Variants in MAPKAP1 observed in about 807,000 individuals in gnomAD.
MAPKAP1 encodes the protein target of rapamycin complex 2 subunit MAPKAP1.
MAPKAP1 carries 20 observed loss-of-function variants against 65.7 expected under a neutral mutation model. The ratio of observed to expected loss-of-function variants is 0.30; its 90% CI spans 0.21 to 0.44. The LOEUF is 0.44. MAPKAP1 is among the 20% of genes least tolerant of loss of function. MAPKAP1 has a pLI of 1.00. For missense variants in MAPKAP1, 423 were observed against 648.0 expected, an observed-to-expected ratio of 0.65 and a Z score of 3.77; for synonymous variants, 222 against 244.3, an observed-to-expected ratio of 0.91 and a Z score of 0.85.
chr9:125,441,997 C>T (rs1278431066), intron 11 of MAPKAP1, among the ~76,000 whole-genome samples: 2 of 151,766 alleles, frequency 1.3e-5, no homozygotes, highest in Non-Finnish European at 2.9e-5. Context: ...GGCTTGGTGG[C>T]GGGTGCCTGT....
intron 4 of MAPKAP1, among the ~76,000 whole-genome samples, chr9:125,626,496 C>T (rs368577711): frequency 6.6e-6 from 1 of 152,242 alleles, no homozygotes; most frequent in Non-Finnish European, 1.5e-5. Flanking sequence ...CCACTAGCCA[C>T]ATTTGGCTAT....
chr9:125,635,419 T>C (rs1248705532), intron 4 of MAPKAP1, among the ~76,000 whole-genome samples: 1 of 152,196 alleles, frequency 6.6e-6, no homozygotes, highest in Non-Finnish European at 1.5e-5. Context: ...TGCTGCTCAA[T>C]TAAAAAGTCA....
chr9:125,635,026 A>C (rs1833384457), intron 4 of MAPKAP1, among the ~76,000 whole-genome samples: 1 of 152,208 alleles, frequency 6.6e-6, no homozygotes, highest in Admixed American at 6.5e-5. Flanking sequence ...CCAGTTAGTC[A>C]ACAAATAGAG....
intron 1 of MAPKAP1, among the ~76,000 whole-genome samples, chr9:125,680,147 G>A (rs1423002774): frequency 6.6e-6 from 1 of 151,124 alleles, no homozygotes; most frequent in Non-Finnish European, 1.5e-5. Flanking sequence ...ATTAGCATCA[G>A]GCAAGTTAAA....
chr9:125,652,984 C>A (rs929950111), intron 4 of MAPKAP1, among the ~76,000 whole-genome samples: 1 of 152,190 alleles, frequency 6.6e-6, no homozygotes, highest in Non-Finnish European at 1.5e-5. Flanking sequence ...GGAAAGACAT[C>A]GTCACTGCCC....
At chr9:125,500,693 A>G (rs1468013552) in intron 8 of MAPKAP1, among the ~76,000 whole-genome samples, 1 of 152,194 alleles carries the variant, frequency 6.6e-6, no homozygotes. Flanking sequence ...AAGAAGAGAG[A>G]CTTCATTTTC....
At chr9:125,631,217 A>G (rs1833270361) in intron 4 of MAPKAP1, among the ~76,000 whole-genome samples, 1 of 152,076 alleles carries the variant, frequency 6.6e-6, no homozygotes, top group Admixed American at 6.6e-5. Flanking sequence ...TGAGGCCCTC[A>G]CCAGGTGCAG....
At chr9:125,574,100 G>A (rs1831322250) in intron 5 of MAPKAP1, among the ~76,000 whole-genome samples, 1 of 152,080 alleles carries the variant, frequency 6.6e-6, no homozygotes, top group Admixed American at 6.5e-5. Flanking sequence ...AGTGAAATGA[G>A]CCAGTTACAA....
Position 125,559,606 on chromosome 9 carries a change from G to A in MAPKAP1, c.848+27C>T, listed in dbSNP as rs756995487. ...TGCTAGAAGGTTGGGATGAGATACC[G>A]AGAGAAGTAATAGAGTCAGTACTCA... is the stretch of plus-strand genomic sequence containing the variant. On this transcript the variant is annotated intron_variant, in intron 6 of 11. Coordinates refer to ENST00000265960, the MANE Select transcript of MAPKAP1 (RefSeq NM_001006617.3). 12 of 1,578,148 alleles carry A rather than the reference G, an allele frequency of 7.6e-6. No individual in the cohort carries two copies. In the East Asian group the frequency reaches 1.8e-4, roughly 24 times the overall value.
chr9:125,688,691 T>A (rs1835063805), intron 1 of MAPKAP1, among the ~76,000 whole-genome samples: 1 of 151,940 alleles, frequency 6.6e-6, no homozygotes, highest in East Asian at 1.9e-4. Flanking sequence ...CAAAACCCCA[T>A]CTCTACAAAA....
intron 7 of MAPKAP1, among the ~76,000 whole-genome samples, chr9:125,507,903 GTAGCCCCCT>G (rs1564535599): frequency 2.0e-5 from 3 of 151,998 alleles, no homozygotes; most frequent in African/African-American, 7.3e-5. Flanking sequence ...GCCAGGCATG[GTAGCCCCCT>G]TAGCGATTCT....
intron 4 of MAPKAP1, among the ~76,000 whole-genome samples, chr9:125,628,784 T>C (rs891341597): frequency 6.6e-6 from 1 of 152,224 alleles, no homozygotes; most frequent in African/African-American, 2.4e-5. Context: ...AGGCAACCTA[T>C]GCAACAGGAC....
At chr9:125,641,426 A>G (rs1335246728) in intron 4 of MAPKAP1, among the ~76,000 whole-genome samples, 1 of 152,144 alleles carries the variant, frequency 6.6e-6, no homozygotes, top group Non-Finnish European at 1.5e-5. Context: ...GTTTTTAATA[A>G]TGACATTTCA....
chr9:125,669,764 T>A lies in MAPKAP1; in HGVS notation c.349+54A>T, dbSNP rs1588057259. 9.7e-6 allele frequency: 9 copies of A among 926,172 alleles called. No individual in the cohort carries two copies. In the South Asian group the frequency reaches 1.4e-4, roughly 14 times the overall value. The allele number at this position is 926,172 out of a possible 1,614,324, so 57.4% of individuals were successfully genotyped here. A position where few individuals can be genotyped will look rare whatever the true frequency, so the allele number is the denominator to read the frequency against. ...TGAATTAAAAATAAAAGTTCTTATA[T>A]AATAAACTAAATATATAAATCTCAA... is the stretch of plus-strand genomic sequence containing the variant. On this transcript the variant is annotated intron_variant, in intron 3 of 11. Transcript: ENST00000265960.
chr9:125,611,292 A>T (rs1832593496), intron 4 of MAPKAP1, among the ~76,000 whole-genome samples: 1 of 152,218 alleles, frequency 6.6e-6, no homozygotes, highest in African/African-American at 2.4e-5. Flanking sequence ...AAAATACAAC[A>T]ACTAAAATTG....
At chr9:125,602,172 G>A (rs1203090936) in intron 4 of MAPKAP1, among the ~76,000 whole-genome samples, 1 of 152,170 alleles carries the variant, frequency 6.6e-6, no homozygotes, top group Non-Finnish European at 1.5e-5. Context: ...AGGATCACTG[G>A]AGTCTGGGAG....
chr9:125,523,566 T>C (rs528599265), intron 7 of MAPKAP1, among the ~76,000 whole-genome samples: 1 of 152,342 alleles, frequency 6.6e-6, no homozygotes, highest in Admixed American at 6.5e-5. Flanking sequence ...TCAGTCTTTC[T>C]AGACCAAGTT....
chr9:125,688,416 G>T (rs1234312814), intron 1 of MAPKAP1, among the ~76,000 whole-genome samples: 1 of 152,152 alleles, frequency 6.6e-6, no homozygotes, highest in Non-Finnish European at 1.5e-5. Context: ...GGGGTTACAG[G>T]CATGAACCAC....
At chr9:125,559,597 T>C in intron 6 of MAPKAP1, 36 bp downstream of exon 6, 1 of 1,560,526 alleles carries the variant, frequency 6.4e-7, no homozygotes, top group South Asian at 1.2e-5. Context: ...AAGGTTGGGA[T>C]GAGATACCGA....
Sources: allele counts gnomAD v4.1 joint callset (sites outside exome capture counted in the v4.1 genomes callset), GRCh38; gene constraint gnomAD v4.1.1; transcripts MANE v1.5; gene names NCBI Gene and HGNC (gene_info 2026-07-23, HGNC 2026-07-21).